PCSK6: variants seen among roughly 807,000 people sequenced by gnomAD.
PCSK6 encodes the protein proprotein convertase subtilisin/kexin type 6, also known as paired basic amino acid cleaving enzyme 4.
In PCSK6, 85 loss-of-function variants were observed where a neutral mutation model predicts 123.3. The observed-to-expected ratio is 0.69, with a 90% CI of 0.58 to 0.83. PCSK6 has a LOEUF of 0.83. Ranked by LOEUF, PCSK6 falls within the 40% of genes least tolerant of loss-of-function variation. The probability of loss-of-function intolerance (pLI) is 0.00; values close to 1 mark genes in which losing one functional copy is unlikely to be tolerated. For synonymous variants in PCSK6, 508 were observed against 516.0 expected (o/e 0.98, Z 0.21); for missense variants, 1,191 against 1,282.3 (o/e 0.93, Z 1.09).
At chr15:101,306,352 C>T (rs1362060878) in intron 21 of PCSK6, among the ~76,000 whole-genome samples, 1 of 152,038 alleles carries the variant, frequency 6.6e-6, no homozygotes, top group Non-Finnish European at 1.5e-5. Flanking sequence ...CTCCCGCCAC[C>T]CCCCAAAAAT....
At chr15:101,338,983 A>G (rs1288221539) in intron 13 of PCSK6, among the ~76,000 whole-genome samples, 1 of 152,260 alleles carries the variant, frequency 6.6e-6, no homozygotes, top group Non-Finnish European at 1.5e-5. Flanking sequence ...CATAATGAAC[A>G]AACAGGATTA....
intron 10 of PCSK6, 31 bp from the exon 11 acceptor site, chr15:101,382,240 C>G: frequency 6.7e-7 from 1 of 1,483,714 alleles, no homozygotes; most frequent in Non-Finnish European, 9.3e-7. Flanking sequence ...GAGCCAGGCT[C>G]TCCTGCCTCT....
intron 19 of PCSK6, among the ~76,000 whole-genome samples, chr15:101,317,692 G>A (rs916251523): frequency 1.3e-5 from 2 of 152,160 alleles, no homozygotes; most frequent in African/African-American, 4.8e-5. Context: ...GAGACAAGAT[G>A]GCTTATGAGT....
intron 2 of PCSK6, among the ~76,000 whole-genome samples, chr15:101,438,359 T>G (rs1487727286): frequency 6.6e-6 from 1 of 152,214 alleles, no homozygotes; most frequent in Non-Finnish European, 1.5e-5. Flanking sequence ...TCTAAAGTAT[T>G]TACATAGAAA....
chr15:101,474,929 T>C (rs1050555181), intron 1 of PCSK6, among the ~76,000 whole-genome samples: 8 of 152,156 alleles, frequency 5.3e-5, no homozygotes, highest in African/African-American at 1.9e-4. Flanking sequence ...TTCCAGTGGG[T>C]CATTGAAGGT....
chr15:101,412,892 G>A (rs1433285540), intron 6 of PCSK6, among the ~76,000 whole-genome samples: 2 of 151,702 alleles, frequency 1.3e-5, no homozygotes, highest in African/African-American at 4.8e-5. Flanking sequence ...GGAGGCCAAG[G>A]CCGGAGGATT....
At chr15:101,443,491 C>A in intron 2 of PCSK6, 65 bp downstream of exon 2, 3 of 1,093,942 alleles carry the variant, frequency 2.7e-6, no homozygotes, top group Non-Finnish European at 4.1e-6. Flanking sequence ...ATCCAGACTC[C>A]GCCATTTTTA....
chr15:101,381,676 C>T (rs1314007524), intron 11 of PCSK6, among the ~76,000 whole-genome samples: 2 of 152,224 alleles, frequency 1.3e-5, no homozygotes, highest in African/African-American at 4.8e-5. Context: ...GCCAGTTAGG[C>T]TGGGCTGGGG....
intron 18 of PCSK6, among the ~76,000 whole-genome samples, chr15:101,320,594 G>C (rs1028478345): frequency 5.9e-5 from 9 of 152,136 alleles, no homozygotes; most frequent in African/African-American, 2.2e-4. Context: ...CATAGATGGC[G>C]GACACCCACC....
intron 1 of PCSK6, among the ~76,000 whole-genome samples, chr15:101,463,879 T>C (rs1373895021): frequency 6.6e-6 from 1 of 152,012 alleles, no homozygotes; most frequent in Admixed American, 6.5e-5. Context: ...GAAAAAGAAA[T>C]TGAAAGCTAT....
chr15:101,411,479 G>A (rs1365759615), intron 6 of PCSK6, among the ~76,000 whole-genome samples: 1 of 152,128 alleles, frequency 6.6e-6, no homozygotes, highest in African/African-American at 2.4e-5. Flanking sequence ...GACCCCTGCC[G>A]TCAGACCAGA....
chr15:101,487,918 T>C (rs560969697), intron 1 of PCSK6, among the ~76,000 whole-genome samples: 4 of 152,322 alleles, frequency 2.6e-5, no homozygotes, highest in African/African-American at 7.2e-5. Flanking sequence ...TGCGTATATG[T>C]ATGTGTGTAT....
At chr15:101,456,744 C>A (rs550564236) in intron 1 of PCSK6, among the ~76,000 whole-genome samples, 2 of 152,280 alleles carry the variant, frequency 1.3e-5, no homozygotes, top group East Asian at 1.9e-4. Flanking sequence ...CTTCTCTACT[C>A]GTCTTTCGAG....
intron 1 of PCSK6, among the ~76,000 whole-genome samples, chr15:101,457,381 A>G (rs4246336): frequency 0.61 from 92,612 of 151,790 alleles, 29,185 homozygotes; most frequent in Middle Eastern, 0.71. Flanking sequence ...CAAGGTTTCT[A>G]GGGGGATAAA....
At chr15:101,351,059 G>C (rs992864671) in intron 13 of PCSK6, among the ~76,000 whole-genome samples, 56 of 151,692 alleles carry the variant, frequency 3.7e-4, no homozygotes, top group Non-Finnish European at 7.7e-4. Flanking sequence ...TGTGCTTCAG[G>C]GTTACTCACA....
At chr15:101,313,310 C>T (rs760417652) in intron 20 of PCSK6, 66 bp downstream of exon 20, 4 of 1,611,542 alleles carry the variant, frequency 2.5e-6, no homozygotes, top group African/African-American at 1.3e-5. Flanking sequence ...TGCTGCCAGA[C>T]TCTGCCCTCC....
chr15:101,338,071 C>T (rs73493343), intron 13 of PCSK6, among the ~76,000 whole-genome samples: 6,655 of 152,176 alleles, frequency 0.044, 273 homozygotes, highest in East Asian at 0.13. Flanking sequence ...CTATCATGAA[C>T]GGCAATGCCA....
In PCSK6 at chr15:101,362,559, G is replaced by A. The variant is rs545134755; in HGVS notation, c.1858+3637C>T. Among the ~76,000 whole-genome samples, 38 of 152,234 alleles carry A rather than the reference G, an allele frequency of 2.5e-4. No homozygotes were observed. The South Asian group carries it at 7.5e-3, about 30-fold the overall frequency. ...TGCACAAGGGGCAGCCTGTGAGGTG[G>A]AGAGGGCCCCCAGGTGTGGCATCAC... On this transcript the variant is annotated intron_variant, in intron 13 of 21. Coordinates refer to ENST00000611716, the MANE Select transcript of PCSK6 (RefSeq NM_002570.5).
At chr15:101,458,156 C>T (rs900744047) in intron 1 of PCSK6, among the ~76,000 whole-genome samples, 46 of 152,192 alleles carry the variant, frequency 3.0e-4, no homozygotes, top group Non-Finnish European at 3.5e-4. Context: ...AGGCAAGACA[C>T]AGTAAAGACC....
Sources: gnomAD v4.1 joint callset for allele counts (sites outside exome capture counted in the v4.1 genomes callset) on GRCh38, gnomAD v4.1.1 for gene constraint, MANE v1.5 for transcripts, NCBI Gene and HGNC (gene_info 2026-07-23, HGNC 2026-07-21) for gene names.